The following SYNPO2 variants were observed in gnomAD, a reference collection of about 807,000 sequenced individuals.
The protein encoded by SYNPO2 is synaptopodin-2.
In SYNPO2, 56 loss-of-function variants were observed where a neutral mutation model predicts 85.0. That is an observed-to-expected ratio of 0.66 (90% CI 0.53 to 0.82). The LOEUF (loss-of-function observed/expected upper bound fraction) is 0.82, where lower values mean the gene tolerates loss of function less well. Among genes scored for constraint, SYNPO2 ranks in the 40% least tolerant of loss-of-function variants. SYNPO2 has a pLI of 0.00. For synonymous variants in SYNPO2, 602 were observed against 591.1 expected, an observed-to-expected ratio of 1.02 and a Z score of -0.27; for missense variants, 1,575 against 1,534.2, an observed-to-expected ratio of 1.03 and a Z score of -0.44.
At chr4:119,029,109 T>C (rs987400087) in intron 3 of SYNPO2, among the ~76,000 whole-genome samples, 1 of 152,100 alleles carries the variant, frequency 6.6e-6, no homozygotes, top group Non-Finnish European at 1.5e-5. Context: ...ATTTCCAAAA[T>C]AGCAATACAT....
intron 1 of SYNPO2, among the ~76,000 whole-genome samples, chr4:119,013,353 G>T (rs1212052419): frequency 3.3e-5 from 5 of 152,136 alleles, no homozygotes; most frequent in African/African-American, 1.2e-4. Context: ...GTGACAAAAT[G>T]AAAAGTACAT....
intron 1 of SYNPO2, among the ~76,000 whole-genome samples, chr4:118,858,478 C>T (rs1464532432): frequency 6.6e-6 from 1 of 152,156 alleles, no homozygotes; most frequent in East Asian, 1.9e-4. Context: ...TTATGTGTTT[C>T]TAGCCTTCCC....
intron 1 of SYNPO2, among the ~76,000 whole-genome samples, chr4:118,967,860 CAA>C (rs34878457): frequency 5.0e-4 from 72 of 145,294 alleles, no homozygotes; most frequent in African/African-American, 1.3e-3. Flanking sequence ...ATCTTTATAC[CAA>C]AAAAAAAAAA....
intron 1 of SYNPO2, among the ~76,000 whole-genome samples, chr4:118,925,519 G>A (rs1339905949): frequency 6.6e-6 from 1 of 152,064 alleles, no homozygotes; most frequent in Non-Finnish European, 1.5e-5. Flanking sequence ...TGCAGAGCTT[G>A]TGATCTTTGT....
At chr4:118,895,457 G>C (rs1295722757) in intron 1 of SYNPO2, among the ~76,000 whole-genome samples, 1 of 152,194 alleles carries the variant, frequency 6.6e-6, no homozygotes, top group East Asian at 1.9e-4. Context: ...TGTCCTCTCT[G>C]AGGCTGGTGT....
At position 119,027,367 on chromosome 4, in the gene SYNPO2, C is replaced by CAG. The variant is rs774512396; in HGVS notation, c.1001_1002dup (p.Gln335SerfsTer36). On this transcript the variant is annotated frameshift_variant, in exon 3 of 5. Coordinates refer to ENST00000307142, the MANE Select transcript of SYNPO2 (RefSeq NM_133477.3). LOFTEE classifies it high-confidence loss of function. The stretch of plus-strand genomic sequence containing the variant: ...TCCTTTGCCGTCTCATCAGAAGGCA[C>CAG]AGAGCAGGGAGAAGATCCACGCTCG... 4 of 1,613,784 alleles carry CAG rather than the reference C, an allele frequency of 2.5e-6. No homozygotes were observed. The South Asian group carries it at 4.4e-5, about 18-fold the overall frequency.
intron 1 of SYNPO2, among the ~76,000 whole-genome samples, chr4:118,951,729 C>T (rs1343962555): frequency 2.0e-5 from 3 of 152,024 alleles, no homozygotes; most frequent in African/African-American, 2.4e-5. Context: ...CCTTTCCAAA[C>T]GTGAATTTTT....
intron 1 of SYNPO2, among the ~76,000 whole-genome samples, chr4:118,996,428 T>C (rs1282831741): frequency 6.6e-6 from 1 of 152,188 alleles, no homozygotes; most frequent in African/African-American, 2.4e-5. Flanking sequence ...CTGCCACCCC[T>C]ACTAGCCTGA....
intron 1 of SYNPO2, among the ~76,000 whole-genome samples, chr4:118,960,116 G>A (rs921852701): frequency 3.3e-5 from 5 of 152,216 alleles, no homozygotes; most frequent in African/African-American, 1.2e-4. Flanking sequence ...GAAGTGGGAA[G>A]AAACAAGAAG....
chr4:119,036,707 C>G, intron 4 of SYNPO2: 1 of 985,852 alleles, frequency 1.0e-6, no homozygotes, highest in Middle Eastern at 5.2e-4. Flanking sequence ...TATCTTTTTT[C>G]TTGATGTCGT....
chr4:118,863,681 G>C (rs1278291469), intron 1 of SYNPO2, among the ~76,000 whole-genome samples: 3 of 151,798 alleles, frequency 2.0e-5, no homozygotes, highest in Non-Finnish European at 2.9e-5. Flanking sequence ...GCGTGATCCT[G>C]GCTCACTGCA....
At chr4:118,919,300 G>A (rs1467689785) in intron 1 of SYNPO2, among the ~76,000 whole-genome samples, 1 of 152,140 alleles carries the variant, frequency 6.6e-6, no homozygotes, top group East Asian at 1.9e-4. Context: ...CAGTCATTTG[G>A]AATTGATGAG....
rs1378686298 is a variant in SYNPO2, at chr4:119,057,872, T to C, written c.3724T>C (p.Cys1242Arg). Residue 1242 changes from cysteine to arginine, a missense_variant, in exon 5 of 5, where the codon TGT (cysteine) becomes CGT (arginine). By Grantham distance (180) the Cys-to-Arg change is radical. Transcript: ENST00000307142. ...IMSMETRSDY[C>R]LPVADYNYNP... ...GTCCATGGAAACCAGGTCTGATTAC[T>C]GTCTTCCAGTAGCTGATTACAACTA... 1 of 1,614,110 alleles carries C rather than the reference T, an allele frequency of 6.2e-7. No individual in the cohort carries two copies. The highest frequency in any genetic ancestry group is 8.5e-7 in the Non-Finnish European group (1 of 1,180,004).
intron 1 of SYNPO2, among the ~76,000 whole-genome samples, chr4:118,863,095 C>T (rs570013536): frequency 5.9e-5 from 9 of 152,280 alleles, no homozygotes; most frequent in Admixed American, 2.6e-4. Context: ...AGGCGTGAGC[C>T]CCTGCACCCG....
chr4:119,036,325 A>C, intron 4 of SYNPO2: 1 of 985,336 alleles, frequency 1.0e-6, no homozygotes, highest in South Asian at 4.7e-5. Context: ...ATGAGAAAAA[A>C]TATATAAATT....
rs550579249 is a variant in SYNPO2 at position 118,947,822 on chromosome 4, A to G, written c.105+58681A>G. Among the ~76,000 whole-genome samples, 7 of 152,328 alleles carry G rather than the reference A, an allele frequency of 4.6e-5. No homozygotes were observed. In the South Asian group the frequency reaches 1.5e-3, roughly 32 times the overall value. On this transcript the variant is annotated intron_variant, in intron 1 of 4. Transcript: ENST00000307142. ...ATGTGTATGTACATATAAGTAATAT[A>G]TGCCTACATATTAACTTTTAGGACA...
chr4:119,057,651 T>C lies in SYNPO2; in HGVS notation c.3503T>C (p.Val1168Ala), dbSNP rs747506684. The part of the protein sequence containing the change: ...ANVVSAARRK[V>A]LPGPPEDWNE... ...GTGGTTTCAGCAGCTCGGAGGAAGG[T>C]GCTTCCAGGGCCTCCAGAGGATTGG... The change falls in exon 5 of 5, where the codon GTG becomes GCG. Residue 1168 changes from valine to alanine, a missense_variant. Around this residue, in one of 3 missense-constraint regions of SYNPO2, gnomAD observed 1,508 missense variants for 1,446.8 expected, o/e 1.04. Transcript: ENST00000307142. 1 of 1,614,066 alleles carries C rather than the reference T, an allele frequency of 6.2e-7. No homozygotes were observed. The highest frequency in any genetic ancestry group is 1.7e-5 in the Admixed American group (1 of 60,000).
At chr4:118,990,818 A>G (rs781009140) in intron 1 of SYNPO2, among the ~76,000 whole-genome samples, 1 of 152,138 alleles carries the variant, frequency 6.6e-6, no homozygotes. Flanking sequence ...CATGTTGCCC[A>G]GGCTGGTCTC....
intron 2 of SYNPO2, among the ~76,000 whole-genome samples, chr4:119,026,000 C>T (rs1023988692): frequency 9.2e-5 from 14 of 152,154 alleles, no homozygotes; most frequent in African/African-American, 3.4e-4. Context: ...GAAAGGGAGA[C>T]ATCTCAGATT....
Sources: allele counts gnomAD v4.1 joint callset (sites outside exome capture counted in the v4.1 genomes callset), GRCh38; gene constraint gnomAD v4.1.1; regional missense constraint gnomAD v4.1.1; transcripts MANE v1.5; gene names NCBI Gene and HGNC (gene_info 2026-07-23, HGNC 2026-07-21).